The following TDRD3 variants were observed in gnomAD, a reference collection of about 807,000 sequenced individuals.
TDRD3 encodes the protein tudor domain containing 3.
TDRD3 carries 45 observed loss-of-function variants against 86.7 expected under a neutral mutation model. That is an observed-to-expected ratio of 0.52 (90% CI 0.41 to 0.67). TDRD3 has a LOEUF of 0.67. Ranked by LOEUF, TDRD3 falls within the 30% of genes least tolerant of loss-of-function variation. The pLI is 0.00. For synonymous variants in TDRD3, 298 were observed against 301.7 expected (o/e 0.99, Z 0.13); for missense variants, 814 against 889.0 (o/e 0.92, Z 1.07).
At position 60,528,623 on chromosome 13, in the gene TDRD3, C is replaced by T. The variant is rs752372274; in HGVS notation, c.1398C>T (p.Asp466=). 3.1e-6 allele frequency: 5 copies of T among 1,613,932 alleles called. No individual in the cohort carries two copies. The highest frequency in any genetic ancestry group is 1.7e-5 in the Admixed American group (1 of 60,012). The change falls in exon 11 of 14, where the codon GAC becomes GAT. Residue 466 remains aspartate, a synonymous_variant. Transcript: ENST00000377881. The stretch of plus-strand genomic sequence containing the variant: ...CAGTATCTGAAGTATGGGCTGAAGA[C>T]AGAATCAAATGTGATAGACCGTATT... ...TSSVSEVWAE[D]RIKCDRPYSR... is the part of the protein sequence containing the mutation.
chr13:60,432,144 GT>G (rs1954969491), intron 1 of TDRD3, among the ~76,000 whole-genome samples: 1 of 151,912 alleles, frequency 6.6e-6, no homozygotes, highest in African/African-American at 2.4e-5. Flanking sequence ...ATTTTTCATA[GT>G]ACTCACTCCT....
intron 1 of TDRD3, among the ~76,000 whole-genome samples, chr13:60,411,049 T>G (rs1016306022): frequency 3.3e-5 from 5 of 152,210 alleles, no homozygotes; most frequent in African/African-American, 1.2e-4. Flanking sequence ...ACATTGTTGT[T>G]AGTGCAAAGT....
At chr13:60,547,300 A>T in intron 12 of TDRD3, 2 of 985,374 alleles carry the variant, frequency 2.0e-6, no homozygotes, top group Non-Finnish European at 2.4e-6. Flanking sequence ...GTGAAAAGGG[A>T]TCTCTGAGGT....
chr13:60,410,594 A>G (rs1458383045), intron 1 of TDRD3, among the ~76,000 whole-genome samples: 2 of 152,196 alleles, frequency 1.3e-5, no homozygotes, highest in African/African-American at 4.8e-5. Flanking sequence ...ATTGGCCACG[A>G]TCTTTTCTCT....
intron 12 of TDRD3, 150 bp from the exon 13 acceptor site, chr13:60,567,375 C>G: frequency 1.2e-6 from 1 of 803,360 alleles, no homozygotes; most frequent in Non-Finnish European, 1.9e-6. Context: ...TTTTCCCTTC[C>G]CCTTGCCTCC....
chr13:60,563,133 G>C (rs1363630111), intron 12 of TDRD3, among the ~76,000 whole-genome samples: 1 of 151,794 alleles, frequency 6.6e-6, no homozygotes. Context: ...GAGGCTGAGG[G>C]GGGAGAATCA....
intron 1 of TDRD3, among the ~76,000 whole-genome samples, chr13:60,418,134 A>T (rs1352427877): frequency 6.6e-6 from 1 of 152,130 alleles, no homozygotes; most frequent in African/African-American, 2.4e-5. Flanking sequence ...TCTTTGTGGC[A>T]TCCATTTTTG....
intron 2 of TDRD3, among the ~76,000 whole-genome samples, chr13:60,441,969 A>G (rs1955285719): frequency 6.6e-6 from 1 of 152,176 alleles, no homozygotes. Context: ...AGTGAATTAC[A>G]TTTTTAGTTA....
chr13:60,523,985 G>A (rs1036277828), intron 10 of TDRD3, among the ~76,000 whole-genome samples: 1 of 150,086 alleles, frequency 6.7e-6, no homozygotes, highest in Non-Finnish European at 1.5e-5. Context: ...CTTTTCCTTT[G>A]GGGTGATTTA....
At chr13:60,571,059 T>C (rs906974057) in intron 13 of TDRD3, among the ~76,000 whole-genome samples, 6 of 152,158 alleles carry the variant, frequency 3.9e-5, no homozygotes, top group Admixed American at 6.6e-5. Context: ...ACAGGAAATA[T>C]ATGATGCAGA....
intron 3 of TDRD3, among the ~76,000 whole-genome samples, chr13:60,450,530 A>C (rs1955511062): frequency 6.6e-6 from 1 of 152,160 alleles, no homozygotes; most frequent in African/African-American, 2.4e-5. Flanking sequence ...AGGGTACTTT[A>C]TATTTCTGGA....
intron 12 of TDRD3, among the ~76,000 whole-genome samples, chr13:60,554,899 C>T (rs1958151725): frequency 6.6e-6 from 1 of 152,046 alleles, no homozygotes; most frequent in Non-Finnish European, 1.5e-5. Context: ...TTACAGGTTA[C>T]TAAAATACGG....
At chr13:60,573,243 G>A (rs2138023745) in intron 13 of TDRD3, among the ~76,000 whole-genome samples, 1 of 152,280 alleles carries the variant, frequency 6.6e-6, no homozygotes, top group African/African-American at 2.4e-5. Context: ...AAGAACTGGA[G>A]GCGGTTAGGA....
intron 12 of TDRD3, 66 bp downstream of exon 12, chr13:60,535,299 TTAGA>T (rs1165145768): frequency 1.6e-5 from 23 of 1,465,242 alleles, no homozygotes; most frequent in East Asian, 2.5e-5. Flanking sequence ...CTCTAAAGAA[TTAGA>T]TAGCCATACA....
At chr13:60,511,501 A>G (rs1957060131) in intron 10 of TDRD3, among the ~76,000 whole-genome samples, 1 of 152,236 alleles carries the variant, frequency 6.6e-6, no homozygotes. Flanking sequence ...AAGATTTATA[A>G]GCATGATGTA....
At chr13:60,520,189 C>A (rs891955671) in intron 10 of TDRD3, among the ~76,000 whole-genome samples, 2 of 151,924 alleles carry the variant, frequency 1.3e-5, no homozygotes, top group African/African-American at 4.8e-5. Flanking sequence ...AACAGGAAAA[C>A]AATTGTATAT....
intron 12 of TDRD3, among the ~76,000 whole-genome samples, chr13:60,563,761 A>T (rs1250613785): frequency 6.6e-6 from 1 of 152,228 alleles, no homozygotes; most frequent in African/African-American, 2.4e-5. Flanking sequence ...AGTGTGTTTC[A>T]TACTTCCTTC....
rs139039366 is a variant in TDRD3, at chr13:60,568,412, G to A, written c.*9+762G>A. 6.1e-3 allele frequency among the ~76,000 whole-genome samples: 922 copies of A among 152,194 alleles called. 20 individuals are homozygous for A. Among genetic ancestry groups the A allele is most frequent in the Admixed American group, 0.028 (422 of 15,292 alleles). The stretch of plus-strand genomic sequence containing the variant: ...TCTTGACTCTAGGTATTTTTCTTAC[G>A]GCATGGAATAACTGGTTTGTCATTT... On this transcript the variant is annotated intron_variant, in intron 13 of 13. Transcript: ENST00000377881.
At chr13:60,558,296 A>G (rs1175105055) in intron 12 of TDRD3, among the ~76,000 whole-genome samples, 3 of 152,236 alleles carry the variant, frequency 2.0e-5, no homozygotes, top group African/African-American at 7.2e-5. Context: ...CTCATCTTAT[A>G]TTAGCCTACC....
Sources: allele counts gnomAD v4.1 joint callset (sites outside exome capture counted in the v4.1 genomes callset), GRCh38; gene constraint gnomAD v4.1.1; transcripts MANE v1.5; gene names NCBI Gene and HGNC (gene_info 2026-07-23, HGNC 2026-07-21).